The following MCC variants were observed in gnomAD, a reference collection of about 807,000 sequenced individuals.
MCC encodes the protein colorectal mutant cancer protein.
MCC carries 90 observed loss-of-function variants against 116.2 expected under a neutral mutation model. That is an observed-to-expected ratio of 0.77 (90% confidence interval 0.65 to 0.92). The LOEUF is 0.92. Ranked by LOEUF, MCC falls within the 40% of genes least tolerant of loss-of-function variation. The probability of loss-of-function intolerance (pLI) is 0.00; values close to 1 mark genes in which losing one functional copy is unlikely to be tolerated. For missense variants in MCC, 1,516 were observed against 1,312.2 expected (o/e 1.16, Z -2.40); for synonymous variants, 578 against 510.5 (o/e 1.13, Z -1.78).
intron 3 of MCC, among the ~76,000 whole-genome samples, chr5:113,176,286 G>GT (rs1561429183): frequency 6.6e-6 from 1 of 152,196 alleles, no homozygotes; most frequent in Non-Finnish European, 1.5e-5. Context: ...CCTAAGGACT[G>GT]TATTAACAGC....
chr5:113,090,299 G>C (rs1755514418), intron 8 of MCC, among the ~76,000 whole-genome samples: 1 of 151,842 alleles, frequency 6.6e-6, no homozygotes, highest in South Asian at 2.1e-4. Context: ...TATTTTCTCT[G>C]CTAGGCATGA....
At chr5:113,072,557 T>C (rs1754112768) in intron 11 of MCC, among the ~76,000 whole-genome samples, 1 of 152,210 alleles carries the variant, frequency 6.6e-6, no homozygotes, top group Non-Finnish European at 1.5e-5. Context: ...TGTTACTCTT[T>C]CCTTCTTAAA....
chr5:113,063,991 G>C lies in MCC; in HGVS notation c.2206C>G (p.His736Asp). The C allele has an allele frequency of 6.2e-7, 1 of 1,612,260 alleles. No homozygotes were observed. The highest frequency in any genetic ancestry group is 8.5e-7 in the Non-Finnish European group (1 of 1,179,496). The change falls in exon 14 of 19, where the codon CAC becomes GAC. Residue 736 changes from histidine (H) to aspartate (D), a missense_variant. Coordinates refer to ENST00000408903, the MANE Select transcript of MCC (RefSeq NM_001085377.2). ...CAGAAGGCTGAGCATTACCTGGTGT[G>C]GCTGTTGGAGGAAAGGCTCTCCCAG... ...QPWESLSSNS[H>D]TSTTSSTASS...
chr5:113,224,723 T>C (rs1253969860), intron 3 of MCC, among the ~76,000 whole-genome samples: 1 of 152,208 alleles, frequency 6.6e-6, no homozygotes, highest in Non-Finnish European at 1.5e-5. Flanking sequence ...AGGACTTTCC[T>C]GAAGTACAAA....
intron 3 of MCC, among the ~76,000 whole-genome samples, chr5:113,278,864 C>T (rs1375636490): frequency 6.6e-6 from 1 of 152,182 alleles, no homozygotes; most frequent in Non-Finnish European, 1.5e-5. Flanking sequence ...TTAATAACTG[C>T]CTTCATTCTC....
intron 17 of MCC, among the ~76,000 whole-genome samples, chr5:113,035,368 A>G (rs750485085): frequency 6.6e-6 from 1 of 152,156 alleles, no homozygotes; most frequent in Non-Finnish European, 1.5e-5. Flanking sequence ...CCGGACAACC[A>G]CAACAGCCTG....
chr5:113,487,551 G>A (rs980747031), intron 1 of MCC, among the ~76,000 whole-genome samples: 1 of 152,266 alleles, frequency 6.6e-6, no homozygotes, highest in African/African-American at 2.4e-5. Context: ...GTTTGTTTGT[G>A]AGTGGAGGCG....
At chr5:113,295,782 T>C (rs968752823) in intron 3 of MCC, among the ~76,000 whole-genome samples, 1 of 152,108 alleles carries the variant, frequency 6.6e-6, no homozygotes, top group African/African-American at 2.4e-5. Flanking sequence ...TCCAATGAAT[T>C]TGAGATGCAC....
At chr5:113,238,541 A>T (rs1394103058) in intron 3 of MCC, among the ~76,000 whole-genome samples, 2 of 152,200 alleles carry the variant, frequency 1.3e-5, no homozygotes, top group Non-Finnish European at 2.9e-5. Context: ...GACAGACCCA[A>T]TTTTGCTTAC....
chr5:113,444,022 T>TGTGTGTGTGTGTGTGTGTGTG (rs1554084179), intron 1 of MCC, among the ~76,000 whole-genome samples: 2 of 151,548 alleles, frequency 1.3e-5, no homozygotes, highest in African/African-American at 4.9e-5. Flanking sequence ...TGTGTGTGTG[T>TGTGTGTGTGTGTGTGTGTGTG]TTAGTAGAGA....
chr5:113,065,903 A>C (rs1408018262), intron 13 of MCC, among the ~76,000 whole-genome samples: 1 of 152,188 alleles, frequency 6.6e-6, no homozygotes, highest in Non-Finnish European at 1.5e-5. Context: ...AGTACTATGG[A>C]GAGTGGGCAG....
At chr5:113,478,556 A>C (rs1460575601) in intron 1 of MCC, among the ~76,000 whole-genome samples, 1 of 152,180 alleles carries the variant, frequency 6.6e-6, no homozygotes, top group Non-Finnish European at 1.5e-5. Context: ...TGGGGAGAGG[A>C]GTCAGGAATT....
At chr5:113,271,102 G>C (rs192417736) in intron 3 of MCC, among the ~76,000 whole-genome samples, 104 of 152,288 alleles carry the variant, frequency 6.8e-4, no homozygotes, top group Non-Finnish European at 1.1e-3. Context: ...GTATGTTCAT[G>C]TTAAGACAAT....
Position 113,086,155 on chromosome 5 carries a change from T to C in MCC, c.1399-845A>G, listed in dbSNP as rs375894713. On this transcript the variant is annotated intron_variant, in intron 8 of 18. Coordinates refer to ENST00000408903, the MANE Select transcript of MCC (RefSeq NM_001085377.2). ...TCAAGACAAGTGCACTTGAGTGTTA[T>C]AAATTTCTATGTCAAGTGTTACGGG... 1.1e-4 allele frequency among the ~76,000 whole-genome samples: 16 copies of C among 152,292 alleles called. 2 individuals carry two copies. Among genetic ancestry groups the C allele is most frequent in the African/African-American group, 3.4e-4 (14 of 41,552 alleles).
At chr5:113,118,876 G>A (rs1757554667) in intron 6 of MCC, among the ~76,000 whole-genome samples, 2 of 152,168 alleles carry the variant, frequency 1.3e-5, no homozygotes, top group African/African-American at 2.4e-5. Context: ...TTGTCCTCCT[G>A]GGGGATCTGG....
At chr5:113,207,941 A>G (rs1762978801) in intron 3 of MCC, among the ~76,000 whole-genome samples, 2 of 152,162 alleles carry the variant, frequency 1.3e-5, no homozygotes, top group African/African-American at 2.4e-5. Flanking sequence ...GGGGACTTCA[A>G]TCGTGTCTGC....
At chr5:113,296,215 C>A (rs189142490) in intron 3 of MCC, among the ~76,000 whole-genome samples, 23 of 152,200 alleles carry the variant, frequency 1.5e-4, no homozygotes, top group Admixed American at 2.6e-4. Context: ...TCATTGAAAT[C>A]TGTTGAAAAC....
intron 3 of MCC, among the ~76,000 whole-genome samples, chr5:113,269,781 A>G (rs1482223183): frequency 6.6e-6 from 1 of 152,232 alleles, no homozygotes; most frequent in Non-Finnish European, 1.5e-5. Flanking sequence ...ATGGCAATAA[A>G]GATGATTACT....
At chr5:113,305,690 C>T (rs138755291) in intron 3 of MCC, among the ~76,000 whole-genome samples, 70 of 152,306 alleles carry the variant, frequency 4.6e-4, no homozygotes, top group African/African-American at 1.6e-3. Flanking sequence ...TCCATATACT[C>T]TAGCCCAGCG....
Sources: gnomAD v4.1 joint callset for allele counts (sites outside exome capture counted in the v4.1 genomes callset) on GRCh38, gnomAD v4.1.1 for gene constraint, MANE v1.5 for transcripts, NCBI Gene and HGNC (gene_info 2026-07-23, HGNC 2026-07-21) for gene names.